Variants in SORT1 observed in about 807,000 individuals in gnomAD.
The protein encoded by SORT1 is sortilin 1.
Under a neutral mutation model 101.7 loss-of-function variants are expected in SORT1, and 39 were observed. The ratio of observed to expected loss-of-function variants is 0.38; its 90% CI spans 0.30 to 0.50. The LOEUF (loss-of-function observed/expected upper bound fraction) is 0.50, where lower values mean the gene tolerates loss of function less well. SORT1 is among the 20% of genes least tolerant of loss of function. The pLI is 0.90. For synonymous variants in SORT1, 396 were observed against 393.7 expected (o/e 1.01, Z -0.07); for missense variants, 878 against 1,040.4 (o/e 0.84, Z 2.15).
intron 10 of SORT1, among the ~76,000 whole-genome samples, chr1:109,336,741 G>A (rs929123064): frequency 6.6e-6 from 1 of 151,606 alleles, no homozygotes; most frequent in Non-Finnish European, 1.5e-5. Context: ...CCCGGGAGGT[G>A]GGGGCTGCAG....
At chr1:109,380,283 A>T (rs767062912) in intron 1 of SORT1, among the ~76,000 whole-genome samples, 16 of 152,068 alleles carry the variant, frequency 1.1e-4, no homozygotes, top group Non-Finnish European at 1.9e-4. Context: ...ACAGAGTGGG[A>T]CCCTGTGTCA....
intron 1 of SORT1, chr1:109,392,645 C>T: frequency 1.0e-6 from 1 of 985,248 alleles, no homozygotes; most frequent in Non-Finnish European, 1.2e-6. Context: ...GGCTAGCTTT[C>T]TACTCTCATC....
At chr1:109,374,501 G>A (rs1443654428) in intron 1 of SORT1, among the ~76,000 whole-genome samples, 1 of 151,854 alleles carries the variant, frequency 6.6e-6, no homozygotes, top group Non-Finnish European at 1.5e-5. Flanking sequence ...TGAGGGAGGA[G>A]AATCACTTGA....
chr1:109,340,146 C>CAAAAAAAAAAAA (rs34790280), intron 10 of SORT1, among the ~76,000 whole-genome samples: 1 of 96,294 alleles, frequency 1.0e-5, no homozygotes, highest in Non-Finnish European at 2.1e-5. Context: ...GATTCCATCT[C>CAAAAAAAAAAAA]AAAAAAAAAA....
chr1:109,317,933 C>T lies in SORT1; in HGVS notation c.2061G>A (p.Lys687=), dbSNP rs1647342333. 2 of 1,614,010 alleles carry T rather than the reference C, an allele frequency of 1.2e-6. No individual in the cohort carries two copies. The highest frequency in any genetic ancestry group is 1.7e-6 in the Non-Finnish European group (2 of 1,179,980). The change falls in exon 16 of 20, where the codon AAG becomes AAA. Residue 687 remains lysine, a synonymous_variant. Transcript: ENST00000256637. ...FGYYRPENDS[K]CVEQPELKGH... ...CCTTCAGTTCTGGCTGTTCCACACA[C>T]TTGGAGTCATTTTCTGGACGGTAGT... is the stretch of plus-strand genomic sequence containing the variant.
intron 10 of SORT1, among the ~76,000 whole-genome samples, chr1:109,336,982 A>G (rs1648878306): frequency 4.6e-5 from 7 of 152,176 alleles, no homozygotes; most frequent in Admixed American, 4.6e-4. Flanking sequence ...CCTGGGAAGT[A>G]AAATCTACCA....
intron 1 of SORT1, among the ~76,000 whole-genome samples, chr1:109,387,651 T>C (rs1024915093): frequency 6.6e-5 from 10 of 152,188 alleles, no homozygotes; most frequent in African/African-American, 2.4e-4. Flanking sequence ...CTATCTCCCA[T>C]AGCTTCAAGA....
At chr1:109,323,388 G>A (rs1370619134) in intron 14 of SORT1, among the ~76,000 whole-genome samples, 1 of 152,220 alleles carries the variant, frequency 6.6e-6, no homozygotes, top group Non-Finnish European at 1.5e-5. Flanking sequence ...GTGGGAAGCT[G>A]GATAGAAAAT....
intron 1 of SORT1, among the ~76,000 whole-genome samples, chr1:109,377,828 G>A (rs1013051085): frequency 6.6e-6 from 1 of 152,156 alleles, no homozygotes; most frequent in African/African-American, 2.4e-5. Context: ...AAGATAATAT[G>A]CAAGTATCTT....
chr1:109,316,805 A>C, intron 17 of SORT1, 45 bp downstream of exon 17: 1 of 1,245,940 alleles, frequency 8.0e-7, no homozygotes, highest in Non-Finnish European at 1.2e-6. Flanking sequence ...TTAGCAGAAC[A>C]CAAAATCCCA....
intron 7 of SORT1, 36 bp downstream of exon 7, chr1:109,347,447 A>G: frequency 6.8e-7 from 1 of 1,461,566 alleles, no homozygotes; most frequent in African/African-American, 1.4e-5. Context: ...TGAATGGACA[A>G]CAGGACATTA....
At chr1:109,369,854 A>G (rs1314827509) in intron 1 of SORT1, among the ~76,000 whole-genome samples, 1 of 152,216 alleles carries the variant, frequency 6.6e-6, no homozygotes, top group Non-Finnish European at 1.5e-5. Context: ...GGGAGATGGG[A>G]GATGGGACAA....
rs142901492 is a variant in SORT1, at chr1:109,349,582, A to G, written c.782+1347T>C. ...GGAGTTTGAGACCAGCCTGGGCAACATAGTGAGACCCCCTATCTCTACAAA... is the reference window on the plus strand; with the variant it reads ...GGAGTTTGAGACCAGCCTGGGCAACGTAGTGAGACCCCCTATCTCTACAAA... On this transcript the variant is annotated intron_variant, in intron 6 of 19. Transcript: ENST00000256637. Among the ~76,000 whole-genome samples the G allele has an allele frequency of 9.0e-3, 1,367 of 152,108 alleles. 27 individuals carry two copies. The highest frequency in any genetic ancestry group is 0.03 in the African/African-American group (1,255 of 41,488).
chr1:109,319,634 G>A (rs1017867773), intron 15 of SORT1, among the ~76,000 whole-genome samples: 1 of 152,170 alleles, frequency 6.6e-6, no homozygotes, highest in South Asian at 2.1e-4. Context: ...GGGAGGCCGA[G>A]GCAGGCGGAT....
intron 13 of SORT1, among the ~76,000 whole-genome samples, chr1:109,326,482 CACA>C (rs1648059582): frequency 1.8e-5 from 2 of 109,612 alleles, no homozygotes; most frequent in African/African-American, 6.7e-5. Context: ...CACACACACA[CACA>C]TATATATACA....
At chr1:109,320,180 T>A (rs1377068896) in intron 15 of SORT1, among the ~76,000 whole-genome samples, 1 of 152,188 alleles carries the variant, frequency 6.6e-6, no homozygotes, top group Non-Finnish European at 1.5e-5. Context: ...CCCTTAGTGA[T>A]CACAACTATT....
At chr1:109,394,305 C>T (rs1653071260) in intron 1 of SORT1, among the ~76,000 whole-genome samples, 1 of 152,068 alleles carries the variant, frequency 6.6e-6, no homozygotes, top group South Asian at 2.1e-4. Context: ...CCTGCCTCAA[C>T]TCCTAAAATA....
At chr1:109,337,890 T>G (rs2101574414) in intron 10 of SORT1, among the ~76,000 whole-genome samples, 1 of 152,326 alleles carries the variant, frequency 6.6e-6, no homozygotes, top group Admixed American at 6.5e-5. Context: ...TCTCCCAAAG[T>G]GCTAGGATTA....
intron 1 of SORT1, among the ~76,000 whole-genome samples, chr1:109,394,007 C>G (rs186814417): frequency 1.3e-5 from 2 of 152,200 alleles, no homozygotes; most frequent in Admixed American, 1.3e-4. Context: ...ACACAGAAAA[C>G]TTAAGTAACT....
Sources: allele counts gnomAD v4.1 joint callset (sites outside exome capture counted in the v4.1 genomes callset), GRCh38; gene constraint gnomAD v4.1.1; transcripts MANE v1.5; gene names NCBI Gene and HGNC (gene_info 2026-07-23, HGNC 2026-07-21).